Variants in PPFIBP1 observed in about 807,000 individuals in gnomAD.
PPFIBP1 encodes liprin-beta-1.
A neutral mutation model predicts 137.8 loss-of-function variants in PPFIBP1; 112 were observed. The observed-to-expected ratio is 0.81, with a 90% confidence interval of 0.70 to 0.95. The LOEUF (loss-of-function observed/expected upper bound fraction) is 0.95. PPFIBP1 is among the 40% of genes least tolerant of loss of function. The pLI, the probability that PPFIBP1 is intolerant of heterozygous loss-of-function variation, is 0.00. For missense variants in PPFIBP1, 1,083 were observed against 1,196.6 expected (o/e 0.91, Z 1.40); for synonymous variants, 378 against 417.3 (o/e 0.91, Z 1.15).
intron 1 of PPFIBP1, among the ~76,000 whole-genome samples, chr12:27,537,569 C>T (rs897070954): frequency 1.3e-5 from 2 of 152,064 alleles, no homozygotes; most frequent in African/African-American, 4.8e-5. Context: ...CCTGTGTTCC[C>T]GGGGTGGAGA....
chr12:27,553,122 A>G (rs1251042152), intron 1 of PPFIBP1, among the ~76,000 whole-genome samples: 2 of 152,216 alleles, frequency 1.3e-5, no homozygotes, highest in Non-Finnish European at 2.9e-5. Context: ...TACATAACTC[A>G]TTTGATAACT....
chr12:27,681,870 C>T (rs573019387), intron 22 of PPFIBP1, among the ~76,000 whole-genome samples, 174 bp downstream of exon 22: 1 of 152,156 alleles, frequency 6.6e-6, no homozygotes, highest in South Asian at 2.1e-4. Context: ...CTTGGGAGGA[C>T]CTGGTCTTGA....
intron 13 of PPFIBP1, among the ~76,000 whole-genome samples, chr12:27,670,778 CAAAAAA>C (rs1173003497): frequency 1.3e-3 from 180 of 142,166 alleles, no homozygotes; most frequent in Middle Eastern, 7.5e-3. Flanking sequence ...GACCCTGTCT[CAAAAAA>C]AAAAAAAAAA....
chr12:27,525,647 T>C (rs971838752), intron 1 of PPFIBP1, among the ~76,000 whole-genome samples: 1 of 152,076 alleles, frequency 6.6e-6, no homozygotes, highest in East Asian at 1.9e-4. Context: ...GTGGACTTCA[T>C]TGTGAGTCAA....
At chr12:27,537,395 T>C (rs1417723854) in intron 1 of PPFIBP1, among the ~76,000 whole-genome samples, 4 of 152,136 alleles carry the variant, frequency 2.6e-5, no homozygotes, top group Non-Finnish European at 1.5e-5. Context: ...CCTCCCAAAG[T>C]GCTGGGATTA....
chr12:27,688,514 A>G, intron 26 of PPFIBP1, 91 bp downstream of exon 26: 1 of 1,482,750 alleles, frequency 6.7e-7, no homozygotes, highest in Non-Finnish European at 9.2e-7. Flanking sequence ...TCATAATCCT[A>G]AAGTCATCTG....
chr12:27,584,943 C>T (rs2051554904), intron 2 of PPFIBP1, among the ~76,000 whole-genome samples: 1 of 152,220 alleles, frequency 6.6e-6, no homozygotes, highest in Admixed American at 6.5e-5. Context: ...TGATGGCCCA[C>T]TGTAGGGCAT....
intron 1 of PPFIBP1, among the ~76,000 whole-genome samples, chr12:27,576,176 A>G (rs573566246): frequency 6.6e-6 from 1 of 151,838 alleles, no homozygotes; most frequent in Non-Finnish European, 1.5e-5. Flanking sequence ...TTCATTTAAC[A>G]TATTGTTTTG....
chr12:27,608,548 G>A (rs955204746), intron 2 of PPFIBP1, among the ~76,000 whole-genome samples: 10 of 152,042 alleles, frequency 6.6e-5, no homozygotes, highest in African/African-American at 1.2e-4. Flanking sequence ...AACAACCAGC[G>A]AATGATTTCA....
In PPFIBP1 at chr12:27,529,231, G is replaced by A. The variant is rs374559418; in HGVS notation, c.-124+4866G>A. The stretch of plus-strand genomic sequence containing the variant: ...CCCTCTGGACTCCACAATAGGCCTG[G>A]ATATTTTCACCTCTCCTTTAATTTA... On this transcript the variant is annotated intron_variant, in intron 1 of 29. Coordinates refer to ENST00000228425, the MANE Select transcript of PPFIBP1 (RefSeq NM_003622.4). Among the ~76,000 whole-genome samples, 32 of 152,336 alleles carry A rather than the reference G, an allele frequency of 2.1e-4. 1 individual carries two copies. The highest frequency in any genetic ancestry group is 7.7e-4 in the African/African-American group (32 of 41,564).
intron 1 of PPFIBP1, among the ~76,000 whole-genome samples, chr12:27,544,455 G>A (rs306660): frequency 0.98 from 149,833 of 152,338 alleles, 73,733 homozygotes; most frequent in East Asian, 1. Context: ...TGAACAGGCA[G>A]CCTACAGAAT....
chr12:27,612,000 C>T (rs1026101499), intron 2 of PPFIBP1, among the ~76,000 whole-genome samples: 3 of 152,218 alleles, frequency 2.0e-5, no homozygotes, highest in Admixed American at 6.5e-5. Context: ...TTTCACTGGA[C>T]ACCTTGCTTT....
chr12:27,677,186 G>C, intron 19 of PPFIBP1, 90 bp downstream of exon 19: 1 of 1,468,216 alleles, frequency 6.8e-7, no homozygotes, highest in Non-Finnish European at 9.5e-7. Context: ...TCTAGAAAGC[G>C]ATCTGACAGC....
chr12:27,559,366 A>G (rs947032803), intron 1 of PPFIBP1, among the ~76,000 whole-genome samples: 1 of 151,606 alleles, frequency 6.6e-6, no homozygotes, highest in Non-Finnish European at 1.5e-5. Context: ...ACGGGGTTTC[A>G]CCATGTTGGT....
intron 2 of PPFIBP1, among the ~76,000 whole-genome samples, chr12:27,628,266 G>C (rs1592965870): frequency 1.3e-5 from 2 of 152,114 alleles, no homozygotes; most frequent in Middle Eastern, 6.8e-3. Context: ...CTGCAGCCTT[G>C]GGCTCCTGGG....
Position 27,650,079 on chromosome 12 carries a change from T to C in PPFIBP1, c.541T>C (p.Leu181=). The part of the protein sequence containing the change: ...DLMAEISNLK[L]KLTAVEKDRL... ...GATGGCTGAAATATCTAACTTGAAGTTGAAACTGACAGCTGTAGAGAAGGA... is the reference window on the plus strand; with the variant it reads ...GATGGCTGAAATATCTAACTTGAAGCTGAAACTGACAGCTGTAGAGAAGGA... Residue 181 remains leucine, a synonymous_variant, in exon 7 of 30, where the codon TTG becomes CTG. Coordinates refer to ENST00000228425, the MANE Select transcript of PPFIBP1 (RefSeq NM_003622.4). The C allele has an allele frequency of 1.9e-6, 3 of 1,607,848 alleles. No homozygotes were observed. The highest frequency in any genetic ancestry group is 1.7e-6 in the Non-Finnish European group (2 of 1,174,360).
chr12:27,597,153 A>G (rs2053411649), intron 2 of PPFIBP1, among the ~76,000 whole-genome samples: 1 of 152,084 alleles, frequency 6.6e-6, no homozygotes, highest in African/African-American at 2.4e-5. Flanking sequence ...CCAAAATGAG[A>G]TTTATTTATT....
chr12:27,649,583 G>T (rs2058747430), intron 6 of PPFIBP1, among the ~76,000 whole-genome samples: 1 of 151,920 alleles, frequency 6.6e-6, no homozygotes, highest in South Asian at 2.1e-4. Flanking sequence ...TGGAATCTCT[G>T]TCTGTTGCCC....
At chr12:27,532,498 A>G (rs1358210029) in intron 1 of PPFIBP1, among the ~76,000 whole-genome samples, 1 of 151,440 alleles carries the variant, frequency 6.6e-6, no homozygotes, top group Non-Finnish European at 1.5e-5. Context: ...TCTATATTAC[A>G]TTACTCGAGA....
Sources: gnomAD v4.1 joint callset for allele counts (sites outside exome capture counted in the v4.1 genomes callset) on GRCh38, gnomAD v4.1.1 for gene constraint, MANE v1.5 for transcripts, NCBI Gene and HGNC (gene_info 2026-07-23, HGNC 2026-07-21) for gene names.